Variants in COL5A1 observed in about 807,000 individuals in gnomAD.
COL5A1 encodes collagen type V alpha 1 chain.
Under a neutral mutation model 263.7 loss-of-function variants are expected in COL5A1, and 16 were observed. The ratio of observed to expected loss-of-function variants is 0.06; its 90% CI spans 0.04 to 0.09. COL5A1 has a LOEUF of 0.09. Ranked by LOEUF, COL5A1 falls within the 10% of genes least tolerant of loss-of-function variation. The pLI, the probability that COL5A1 is intolerant of heterozygous loss-of-function variation, is 1.00. For missense variants in COL5A1, 2,036 were observed against 2,540.5 expected (o/e 0.80, Z 4.27); for synonymous variants, 1,012 against 1,004.5 (o/e 1.01, Z -0.14).
At chr9:134,781,957 A>G (rs1837271513) in intron 28 of COL5A1, among the ~76,000 whole-genome samples, 1 of 152,118 alleles carries the variant, frequency 6.6e-6, no homozygotes, top group Non-Finnish European at 1.5e-5. Context: ...GCCCCTGAAT[A>G]ATGACAGGAA....
At chr9:134,705,704 G>A (rs1833814804) in intron 4 of COL5A1, among the ~76,000 whole-genome samples, 1 of 152,204 alleles carries the variant, frequency 6.6e-6, no homozygotes, top group African/African-American at 2.4e-5. Flanking sequence ...GGTGAGAGCT[G>A]CTCTCTGGCC....
chr9:134,762,866 G>A (rs889976640), intron 19 of COL5A1, among the ~76,000 whole-genome samples: 1 of 145,188 alleles, frequency 6.9e-6, no homozygotes, highest in East Asian at 2.1e-4. Flanking sequence ...TGATTGAGAG[G>A]ACGTGTGTGT....
rs1042106846 is a variant in COL5A1, at chr9:134,677,463, G to A, written c.110-13449G>A. 2.0e-5 allele frequency among the ~76,000 whole-genome samples: 3 copies of A among 152,152 alleles called. No homozygotes were observed. The highest frequency in any genetic ancestry group is 7.2e-5 in the African/African-American group (3 of 41,438). The stretch of plus-strand genomic sequence containing the variant: ...ATCTGCCCACACAGGCAGGAATCCA[G>A]TGCATCCAGTAGAGAGAGGCCATGT... On this transcript the variant is annotated intron_variant, in intron 1 of 65. Transcript: ENST00000371817. This position sits in a 1 kb window ranked among gnomAD's most constrained non-coding sequence, Gnocchi z 4.4.
rs547192541 is a variant in COL5A1 at position 134,757,415 on chromosome 9, G to A, written c.1881+597G>A. Among the ~76,000 whole-genome samples the A allele has an allele frequency of 4.6e-5, 7 of 152,282 alleles. No individual in the cohort carries two copies. The South Asian group carries it at 1.2e-3, about 27-fold the overall frequency. On this transcript the variant is annotated intron_variant, in intron 17 of 65. Transcript: ENST00000371817. This position sits in a 1 kb window ranked among gnomAD's most constrained non-coding sequence, Gnocchi z 6.2. ...ATTTGTCCCAGGCCACGGGGGGCAG[G>A]GGAGATACTGACCTTCCGTGAAGAG...
intron 1 of COL5A1, among the ~76,000 whole-genome samples, chr9:134,674,883 A>C (rs190285528): frequency 1.3e-5 from 2 of 152,268 alleles, no homozygotes; most frequent in Admixed American, 1.3e-4. Context: ...TCCATCTCAA[A>C]AAAAAGAAAA....
chr9:134,717,039 G>A (rs1054576942), intron 4 of COL5A1, among the ~76,000 whole-genome samples: 3 of 152,212 alleles, frequency 2.0e-5, no homozygotes, highest in African/African-American at 7.2e-5. Flanking sequence ...CACTGGCTTG[G>A]GGGCATTTTG....
chr9:134,809,367 G>C, intron 43 of COL5A1, 77 bp downstream of exon 43: 1 of 1,147,046 alleles, frequency 8.7e-7, no homozygotes, highest in South Asian at 1.3e-5. Context: ...GAATTTAAAG[G>C]ACAGGATGCT....
In COL5A1 at chr9:134,745,079, G is replaced by T. The variant is rs180794551; in HGVS notation, c.1495-5463G>T. On this transcript the variant is annotated intron_variant, in intron 11 of 65. Transcript: ENST00000371817. ...ATTTCGAGTCACATTTATCTTCAAA[G>T]CTTAGTCCCCTGAGGCCACTGATAG... Among the ~76,000 whole-genome samples, 913 of 152,322 alleles carry T rather than the reference G, an allele frequency of 6.0e-3. 39 individuals carry two copies. Among genetic ancestry groups the T allele is most frequent in the Admixed American group, 0.051 (780 of 15,290 alleles).
At chr9:134,826,669 G>A (rs901062075) in intron 63 of COL5A1, among the ~76,000 whole-genome samples, 23 of 142,928 alleles carry the variant, frequency 1.6e-4, no homozygotes, top group Admixed American at 2.0e-4. Context: ...GGATGGGTGT[G>A]TGTATGGGTG....
intron 1 of COL5A1, among the ~76,000 whole-genome samples, chr9:134,674,171 A>G (rs562934083): frequency 6.6e-6 from 1 of 152,314 alleles, no homozygotes; most frequent in South Asian, 2.1e-4. Context: ...ATAGGCATTC[A>G]TCCAAGAGAA....
intron 1 of COL5A1, among the ~76,000 whole-genome samples, chr9:134,649,884 G>A (rs772822873): frequency 7.2e-5 from 11 of 152,130 alleles, no homozygotes; most frequent in African/African-American, 2.7e-4. Context: ...TCCTTTGCAG[G>A]GACATGGATG....
At chr9:134,658,459 G>C (rs1031707343) in intron 1 of COL5A1, among the ~76,000 whole-genome samples, 1 of 152,112 alleles carries the variant, frequency 6.6e-6, no homozygotes, top group African/African-American at 2.4e-5. Flanking sequence ...CCCCGCCCCT[G>C]CACGTCCCCC....
intron 9 of COL5A1, among the ~76,000 whole-genome samples, chr9:134,734,065 A>G (rs1379695783): frequency 6.6e-6 from 1 of 151,540 alleles, no homozygotes; most frequent in African/African-American, 2.4e-5. Context: ...CATGTTCCCG[A>G]GTAAGCTGGC....
At chr9:134,819,466 C>T (rs987216300) in intron 57 of COL5A1, among the ~76,000 whole-genome samples, 1 of 152,178 alleles carries the variant, frequency 6.6e-6, no homozygotes, top group African/African-American at 2.4e-5. Context: ...AATTGTTTTC[C>T]ACTTGCATTG....
intron 4 of COL5A1, chr9:134,708,707 G>A (rs1194063690): frequency 1.9e-6 from 1 of 514,986 alleles, no homozygotes; most frequent in Admixed American, 2.0e-5. Flanking sequence ...GCCCCTGGAA[G>A]GGACAAGGAC....
chr9:134,806,029 G>A (rs183674378), intron 41 of COL5A1, among the ~76,000 whole-genome samples, 160 bp from the exon 42 acceptor site: 9 of 152,300 alleles, frequency 5.9e-5, no homozygotes, highest in South Asian at 4.1e-4. Flanking sequence ...ACAGAGCCCC[G>A]AACGCTAGAC....
At chr9:134,731,842 G>A (rs1430179819) in intron 8 of COL5A1, among the ~76,000 whole-genome samples, 179 bp downstream of exon 8, 1 of 152,162 alleles carries the variant, frequency 6.6e-6, no homozygotes, top group Non-Finnish European at 1.5e-5. Flanking sequence ...TCTGAATAAC[G>A]TGTGTATCGG....
At chr9:134,748,817 C>T (rs1835672195) in intron 11 of COL5A1, among the ~76,000 whole-genome samples, 2 of 152,168 alleles carry the variant, frequency 1.3e-5, no homozygotes, top group African/African-American at 4.8e-5. Flanking sequence ...CGTGCATCGG[C>T]AGAAGACGGG....
intron 1 of COL5A1, among the ~76,000 whole-genome samples, chr9:134,679,338 T>C (rs1198865910): frequency 7.9e-6 from 1 of 127,216 alleles, no homozygotes. Flanking sequence ...GCAGGGCTTA[T>C]TAGGGGGCAC....
Sources: allele counts gnomAD v4.1 joint callset (sites outside exome capture counted in the v4.1 genomes callset), GRCh38; gene constraint gnomAD v4.1.1; non-coding constraint Gnocchi (gnomAD v3.1); transcripts MANE v1.5; gene names NCBI Gene and HGNC (gene_info 2026-07-23, HGNC 2026-07-21).